IL2RB: variants seen among roughly 807,000 people sequenced by gnomAD.
IL2RB encodes the protein interleukin 2 receptor subunit beta.
IL2RB carries 17 observed loss-of-function variants against 44.2 expected under a neutral mutation model. That is an observed-to-expected ratio of 0.38 (90% CI 0.26 to 0.58). The LOEUF is 0.58. Ranked by LOEUF, IL2RB falls within the 20% of genes least tolerant of loss-of-function variation. The pLI is 0.63. For synonymous variants in IL2RB, 286 were observed against 297.9 expected (o/e 0.96, Z 0.41); for missense variants, 624 against 685.5 (o/e 0.91, Z 1.00).
chr22:37,132,250 C>T, intron 9 of IL2RB, 134 bp downstream of exon 9: 2 of 635,618 alleles, frequency 3.1e-6, no homozygotes, highest in Non-Finnish European at 5.6e-6. Flanking sequence ...AGAAGAGACC[C>T]ATGCACACCC....
At chr22:37,150,718 A>T (rs952138624), upstream of IL2RB, among the ~76,000 whole-genome samples, 2 of 150,692 alleles carry the variant, frequency 1.3e-5, no homozygotes, top group Non-Finnish European at 1.5e-5. Context: ...AACAATCCCC[A>T]CCCCTCCAAC....
chr22:37,128,730 T>C lies in IL2RB; in HGVS notation c.1022A>G (p.Asp341Gly). ...TAAGGATGCGGGCTCAGGCACCTTG[T>C]CCTGCTGCAGGAGCAGCTGCGTCAC... ...DKVTQLLLQQ[D>G]KVPEPASLSS... is the part of the protein sequence containing the mutation. The change falls in exon 10 of 10, where the codon GAC becomes GGC. Residue 341 changes from aspartate to glycine, a missense_variant. Coordinates refer to ENST00000216223, the MANE Select transcript of IL2RB (RefSeq NM_000878.5). The surrounding 1 kb of genome is among the most constrained non-coding windows in gnomAD (Gnocchi z 4.5). 2 of 1,614,136 alleles carry C rather than the reference T, an allele frequency of 1.2e-6. No homozygotes were observed. Among genetic ancestry groups the C allele is most frequent in the Non-Finnish European group, 1.7e-6 (2 of 1,179,990 alleles).
Position 37,128,989 on chromosome 22 carries a change from G to T in IL2RB, c.904-141C>A. On this transcript the variant is annotated intron_variant, in intron 9 of 9. Coordinates refer to ENST00000216223, the MANE Select transcript of IL2RB (RefSeq NM_000878.5). The surrounding 1 kb of genome is among the most constrained non-coding windows in gnomAD (Gnocchi z 4.5). ...CTGCCCCATCCAGGAAGCTCTCCCT[G>T]ATTATAGCCCCGCACTCCCCCAACC... The T allele has an allele frequency of 9.5e-7, 1 of 1,050,118 alleles. No individual in the cohort carries two copies. The allele number at this position is 1,050,118 out of a possible 1,614,324, so 65.1% of individuals were successfully genotyped here.
At chr22:37,149,980 G>A (rs954329727), upstream of IL2RB, 1 of 919,756 alleles carries the variant, frequency 1.1e-6, no homozygotes, top group Non-Finnish European at 1.3e-6. Flanking sequence ...GAGGATAGAG[G>A]GGCAAGGCCT....
chr22:37,171,835 C>T (rs1445559670), intron 1 of IL2RB, among the ~76,000 whole-genome samples: 1 of 152,200 alleles, frequency 6.6e-6, no homozygotes, highest in Non-Finnish European at 1.5e-5. Flanking sequence ...CACCTTTCCT[C>T]CTAGAAAACT....
chr22:37,127,140 T>C lies in IL2RB; in HGVS notation c.*956A>G, dbSNP rs1921155875. ...CTCCAGGGTTTACTCCCCATCAGCT[T>C]CTCTTGTGGGTCTGTGAAGCCACTG... On this transcript the variant is annotated 3_prime_UTR_variant, in exon 10 of 10. Transcript: ENST00000216223. 1 of 152,048 alleles carries C rather than the reference T, an allele frequency of 6.6e-6. No individual in the cohort carries two copies. The highest frequency in any genetic ancestry group is 3.2e-3 in the Middle Eastern group (1 of 316). The allele number at this position is 152,048 out of a possible 1,614,324, so 9.4% of individuals were successfully genotyped here. A position where few individuals can be genotyped will look rare whatever the true frequency, so the allele number is the denominator to read the frequency against.
Position 37,141,861 on chromosome 22 carries a change from C to A in IL2RB, c.282+573G>T, listed in dbSNP as rs1921982723. 3.3e-5 allele frequency among the ~76,000 whole-genome samples: 5 copies of A among 152,192 alleles called. No homozygotes were observed. The highest frequency in any genetic ancestry group is 2.6e-4 in the Admixed American group (4 of 15,282). ...GCAGCCTGGGCAGAAGGAGGCGGGT[C>A]CCTGGTGAGGTCCCACCTTCAGGCT... On this transcript the variant is annotated intron_variant, in intron 4 of 9. Transcript: ENST00000216223. This position sits in a 1 kb window ranked among gnomAD's most constrained non-coding sequence, Gnocchi z 4.4.
At chr22:37,170,934 A>G (rs1923260787) in intron 1 of IL2RB, among the ~76,000 whole-genome samples, 1 of 152,128 alleles carries the variant, frequency 6.6e-6, no homozygotes, top group Non-Finnish European at 1.5e-5. Context: ...TTCCGATATT[A>G]TGGATGAGGG....
intron 4 of IL2RB, 85 bp from the exon 5 acceptor site, chr22:37,139,307 T>A (rs1569044788): frequency 2.3e-6 from 2 of 868,094 alleles, no homozygotes; most frequent in African/African-American, 3.3e-5. Flanking sequence ...CTGGGAAGGA[T>A]GGCAGCCTCT....
At chr22:37,140,721 G>A (rs542289878) in intron 4 of IL2RB, among the ~76,000 whole-genome samples, 24 of 152,216 alleles carry the variant, frequency 1.6e-4, no homozygotes, top group East Asian at 3.9e-4. Context: ...GCCCGCTGCC[G>A]CCCAGGAGGC....
chr22:37,131,511 C>T (rs932861620), intron 9 of IL2RB, among the ~76,000 whole-genome samples: 1 of 152,136 alleles, frequency 6.6e-6, no homozygotes, highest in African/African-American at 2.4e-5. Context: ...GAGTTTAGAG[C>T]GTTACTGATC....
chr22:37,139,280 G>A, intron 4 of IL2RB, 58 bp from the exon 5 acceptor site: 1 of 1,209,862 alleles, frequency 8.3e-7, no homozygotes. Context: ...GGGGAAGGGG[G>A]AGGCCACCGG....
Position 37,126,697 on chromosome 22 carries a change from C to G in IL2RB, c.*1399G>C, listed in dbSNP as rs887995717. On this transcript the variant is annotated 3_prime_UTR_variant, in exon 10 of 10. Transcript: ENST00000216223. ...GCTCCCAGGTCAGAGTTAGCTGGGA[C>G]TGGGGTCACTGTCCTGCTGGGGTGG... The G allele has an allele frequency of 1.3e-5, 2 of 152,296 alleles. No individual in the cohort carries two copies. The highest frequency in any genetic ancestry group is 2.9e-5 in the Non-Finnish European group (2 of 68,134). The allele number at this position is 152,296 out of a possible 1,614,324, so 9.4% of individuals were successfully genotyped here.
intron 1 of IL2RB, among the ~76,000 whole-genome samples, chr22:37,166,442 C>T (rs2145740636): frequency 6.6e-6 from 1 of 152,342 alleles, no homozygotes; most frequent in East Asian, 1.9e-4. Context: ...ACCCTCATTG[C>T]AGCCACCAGA....
intron 9 of IL2RB, among the ~76,000 whole-genome samples, chr22:37,131,969 C>T (rs1569041332): frequency 6.6e-6 from 1 of 152,008 alleles, no homozygotes; most frequent in African/African-American, 2.4e-5. Context: ...CTCCTGACCT[C>T]GTGATCTACC....
chr22:37,172,075 CGTT>C (rs1180545014), intron 1 of IL2RB, among the ~76,000 whole-genome samples: 1 of 152,136 alleles, frequency 6.6e-6, no homozygotes, highest in Non-Finnish European at 1.5e-5. Context: ...GCTCGGCTGA[CGTT>C]GTCAGGATTG....
chr22:37,170,560 C>G (rs1923247315), intron 1 of IL2RB, among the ~76,000 whole-genome samples: 1 of 152,154 alleles, frequency 6.6e-6, no homozygotes, highest in Admixed American at 6.5e-5. Flanking sequence ...AGTCTAGAAC[C>G]CAAGCCTCCA....
chr22:37,137,303 T>C lies in IL2RB; in HGVS notation c.537+284A>G, dbSNP rs551677002. On this transcript the variant is annotated intron_variant, in intron 6 of 9. Coordinates refer to ENST00000216223, the MANE Select transcript of IL2RB (RefSeq NM_000878.5). ...GTGGAGGGTTGGCTTCCCTGGCCTC[T>C]GAAAGCCCATGGGGCTGGGCAGCTG... 6.1e-4 allele frequency among the ~76,000 whole-genome samples: 93 copies of C among 152,362 alleles called. No individual in the cohort carries two copies. In the East Asian group the frequency reaches 7.5e-3, roughly 12 times the overall value.
In IL2RB at chr22:37,149,833, G is replaced by C; in HGVS notation, c.-42C>G. On this transcript the variant is annotated 5_prime_UTR_variant, in exon 1 of 10. Transcript: ENST00000216223. ...AGGCAGGGGGACATCACCTGGCTGA[G>C]ACATGGGGCGGTGGCAGCGCGCGCT... 1 of 985,630 alleles carries C rather than the reference G, an allele frequency of 1.0e-6. No individual in the cohort carries two copies. The highest frequency in any genetic ancestry group is 4.7e-5 in the South Asian group (1 of 21,292). The allele number at this position is 985,630 out of a possible 1,614,324, so 61.1% of individuals were successfully genotyped here. A position where few individuals can be genotyped will look rare whatever the true frequency, so the allele number is the denominator to read the frequency against.
Sources: gnomAD v4.1 joint callset for allele counts (sites outside exome capture counted in the v4.1 genomes callset) on GRCh38, gnomAD v4.1.1 for gene constraint, Gnocchi (gnomAD v3.1) non-coding constraint, MANE v1.5 for transcripts, NCBI Gene and HGNC (gene_info 2026-07-23, HGNC 2026-07-21) for gene names.